TNRC6C: variants seen among roughly 807,000 people sequenced by gnomAD.
TNRC6C encodes the protein trinucleotide repeat containing adaptor 6C.
A neutral mutation model predicts 153.7 loss-of-function variants in TNRC6C; 20 were observed. The ratio of observed to expected loss-of-function variants is 0.13; its 90% CI spans 0.09 to 0.19. The LOEUF is 0.19. TNRC6C is among the 10% of genes least tolerant of loss of function. The pLI, the probability that TNRC6C is intolerant of heterozygous loss-of-function variation, is 1.00. For missense variants in TNRC6C, 1,987 were observed against 2,172.0 expected, an observed-to-expected ratio of 0.91 and a Z score of 1.69; for synonymous variants, 811 against 841.4, an observed-to-expected ratio of 0.96 and a Z score of 0.63.
At chr17:78,003,577 G>C (rs1332338085), upstream of TNRC6C, among the ~76,000 whole-genome samples, 1 of 152,132 alleles carries the variant, frequency 6.6e-6, no homozygotes, top group Non-Finnish European at 1.5e-5. Flanking sequence ...AAACATAAGA[G>C]AAACAACAAG....
intron 16 of TNRC6C, 108 bp from the exon 20 acceptor site, chr17:78,098,235 A>G (rs1017885231): frequency 5.5e-6 from 6 of 1,098,972 alleles, no homozygotes; most frequent in African/African-American, 3.2e-5. Context: ...TTTGCCTATC[A>G]CACAGTCTGC....
rs369579982 is a variant in TNRC6C, at chr17:77,978,119, G to A, written c.-38+18851G>A. Among the ~76,000 whole-genome samples the A allele has an allele frequency of 1.4e-3, 210 of 151,906 alleles. 1 individual carries two copies. Among genetic ancestry groups the A allele is most frequent in the African/African-American group, 4.7e-3 (196 of 41,422 alleles). Reference sequence around the variant, plus strand: ...TCACCATGTTAGCCAGGATGGTCTCGATCTCCTGACCTTGTGATCCACCCG... The same window carrying A: ...TCACCATGTTAGCCAGGATGGTCTCAATCTCCTGACCTTGTGATCCACCCG... On this transcript the variant is annotated intron_variant, in intron 1 of 22. Transcript: ENST00000636222.
intron 1 of TNRC6C, among the ~76,000 whole-genome samples, chr17:78,030,144 G>A (rs2072035346): frequency 6.6e-6 from 1 of 151,940 alleles, no homozygotes; most frequent in South Asian, 2.1e-4. Flanking sequence ...TAATGTATGT[G>A]CTAGACTTTT....
intron 3 of TNRC6C, among the ~76,000 whole-genome samples, chr17:78,061,443 G>A (rs185040029): frequency 1.3e-5 from 2 of 152,264 alleles, no homozygotes; most frequent in African/African-American, 4.8e-5. Flanking sequence ...AGAACCTTTA[G>A]AGTGTCAGAT....
At position 78,100,667 on chromosome 17, in the gene TNRC6C, A is replaced by G. The variant is rs1371741167; in HGVS notation, c.4502-1807A>G. Among the ~76,000 whole-genome samples, 4 of 152,058 alleles carry G rather than the reference A, an allele frequency of 2.6e-5. No homozygotes were observed. In the South Asian group the frequency reaches 8.3e-4, roughly 32 times the overall value. ...AAGACCTCTGACATGCTCTAGAGAC[A>G]GTCTCCATTTTCCCCATTGTCTTAG... On this transcript the variant is annotated intron_variant, in intron 17 of 19. Coordinates refer to ENST00000301624, the Ensembl canonical transcript of TNRC6C.
chr17:78,064,577 C>T (rs1248384924), intron 3 of TNRC6C, 145 bp from the exon 6 acceptor site: 119 of 745,104 alleles, frequency 1.6e-4, no homozygotes, highest in Non-Finnish European at 2.7e-5. Context: ...ACATGTAATA[C>T]ATTTGCCTCC....
At chr17:77,980,970 T>G (rs1006106315) in intron 1 of TNRC6C, among the ~76,000 whole-genome samples, 3 of 152,044 alleles carry the variant, frequency 2.0e-5, no homozygotes, top group African/African-American at 7.2e-5. Flanking sequence ...TTTTGTTTTG[T>G]TATGTTTTTT....
At chr17:78,004,327 A>G (rs1007173591), upstream of TNRC6C, 14 of 1,231,338 alleles carry the variant, frequency 1.1e-5, no homozygotes, top group African/African-American at 1.6e-5. Flanking sequence ...CATTTGCATC[A>G]TCATAGCCAT....
chr17:78,088,959 CTTTTTTT>C (rs59304499), intron 13 of TNRC6C, among the ~76,000 whole-genome samples: 5 of 86,698 alleles, frequency 5.8e-5, no homozygotes, highest in African/African-American at 1.3e-4. Context: ...CTTATCGTTA[CTTTTTTT>C]TTTTTTTTTT....
intron 6 of TNRC6C, among the ~76,000 whole-genome samples, chr17:78,072,676 A>C (rs1376047713): frequency 6.6e-6 from 1 of 152,240 alleles, no homozygotes; most frequent in African/African-American, 2.4e-5. Flanking sequence ...TGAGCCCAGG[A>C]GTTTGAGACC....
At chr17:78,093,926 G>A (rs1393120572) in intron 16 of TNRC6C, among the ~76,000 whole-genome samples, 163 bp downstream of exon 18, 1 of 151,930 alleles carries the variant, frequency 6.6e-6, no homozygotes, top group Non-Finnish European at 1.5e-5. Context: ...AGCAGGTAGT[G>A]CTTATGGAGA....
Position 78,106,170 on chromosome 17 carries a change from G to C in TNRC6C, c.*1325G>C, listed in dbSNP as rs1456126693. 2.0e-5 allele frequency: 3 copies of C among 151,918 alleles called. No individual in the cohort carries two copies. In the East Asian group the frequency reaches 5.8e-4, roughly 29 times the overall value. The allele number at this position is 151,918 out of a possible 1,614,324, so 9.4% of individuals were successfully genotyped here. A position where few individuals can be genotyped will look rare whatever the true frequency, so the allele number is the denominator to read the frequency against. On this transcript the variant is annotated 3_prime_UTR_variant, in exon 20 of 20. Coordinates refer to ENST00000301624, the Ensembl canonical transcript of TNRC6C. Reference sequence around the variant, plus strand: ...GCGTGGGTTGTGACTGCTTTTGGGGGAGCCTGGGGTTTGGGCTCCCACCTG... The same window carrying C: ...GCGTGGGTTGTGACTGCTTTTGGGGCAGCCTGGGGTTTGGGCTCCCACCTG...
At chr17:78,062,572 G>C (rs2072789839) in intron 3 of TNRC6C, among the ~76,000 whole-genome samples, 1 of 152,170 alleles carries the variant, frequency 6.6e-6, no homozygotes, top group Non-Finnish European at 1.5e-5. Flanking sequence ...GTATCTATAT[G>C]AAAATTACAA....
rs148812380 is a variant in TNRC6C at position 78,098,555 on chromosome 17, C to G, written c.4501+18C>G. 2.4e-3 allele frequency: 3,807 copies of G among 1,606,156 alleles called. 6 individuals carry two copies. The highest frequency in any genetic ancestry group is 3.0e-3 in the Non-Finnish European group (3,483 of 1,176,734). On this transcript the variant is annotated intron_variant, in intron 17 of 19. Transcript: ENST00000301624. ...CTCCTCGGGTAAGCTCCATGCTCCT[C>G]GTGTTCCGATGGGGGCCTTACCCTT...
chr17:78,057,227 T>A (rs1439212439), intron 3 of TNRC6C, among the ~76,000 whole-genome samples: 1 of 152,242 alleles, frequency 6.6e-6, no homozygotes, highest in Non-Finnish European at 1.5e-5. Context: ...ACCACTGGCA[T>A]AAAGTGGCTA....
At chr17:78,063,103 G>A (rs933658310) in intron 3 of TNRC6C, among the ~76,000 whole-genome samples, 6 of 151,748 alleles carry the variant, frequency 4.0e-5, no homozygotes, top group African/African-American at 7.3e-5. Context: ...AAAATTAGCC[G>A]AGCATGTTGT....
At chr17:78,082,056 A>G (rs1379717314) in intron 10 of TNRC6C, among the ~76,000 whole-genome samples, 1 of 151,334 alleles carries the variant, frequency 6.6e-6, no homozygotes, top group Admixed American at 6.6e-5. Context: ...CATTTCACCC[A>G]TGAGACAAAT....
chr17:78,046,571 G>A (rs1309816976), intron 2 of TNRC6C, among the ~76,000 whole-genome samples: 1 of 151,946 alleles, frequency 6.6e-6, no homozygotes, highest in Non-Finnish European at 1.5e-5. Flanking sequence ...GATATCTTTT[G>A]TTATATAGAT....
chr17:78,039,767 CAGAGGGG>C (rs1161484978), intron 2 of TNRC6C, among the ~76,000 whole-genome samples: 1 of 152,166 alleles, frequency 6.6e-6, no homozygotes, highest in African/African-American at 2.4e-5. Context: ...GGGAGAACAA[CAGAGGGG>C]AGCCTACAAC....
Sources: allele counts gnomAD v4.1 joint callset (sites outside exome capture counted in the v4.1 genomes callset), GRCh38; gene constraint gnomAD v4.1.1; transcripts MANE v1.5; gene names NCBI Gene and HGNC (gene_info 2026-07-23, HGNC 2026-07-21).